OSBPL1A: variants seen among roughly 807,000 people sequenced by gnomAD.
OSBPL1A encodes oxysterol-binding protein-related protein 1.
In OSBPL1A, 80 loss-of-function variants were observed where a neutral mutation model predicts 137.1. That is an observed-to-expected ratio of 0.58 (90% CI 0.49 to 0.70). The LOEUF is 0.70. Among genes scored for constraint, OSBPL1A ranks in the 30% least tolerant of loss-of-function variants. OSBPL1A has a pLI of 0.00. For synonymous variants in OSBPL1A, 365 were observed against 389.7 expected, an observed-to-expected ratio of 0.94 and a Z score of 0.75; for missense variants, 970 against 1,129.4, an observed-to-expected ratio of 0.86 and a Z score of 2.02.
intron 15 of OSBPL1A, among the ~76,000 whole-genome samples, chr18:24,251,505 C>A (rs2089096669): frequency 6.6e-6 from 1 of 152,228 alleles, no homozygotes; most frequent in South Asian, 2.1e-4. Flanking sequence ...TCCAAGACCA[C>A]CAAGGCAGTA....
chr18:24,227,080 A>G (rs2088108342), intron 16 of OSBPL1A, among the ~76,000 whole-genome samples: 1 of 151,984 alleles, frequency 6.6e-6, no homozygotes, highest in Admixed American at 6.6e-5. Context: ...TTTAGTAAAG[A>G]CGGGGTTTCA....
chr18:24,289,817 G>T (rs570564506), intron 14 of OSBPL1A, among the ~76,000 whole-genome samples: 1 of 151,992 alleles, frequency 6.6e-6, no homozygotes, highest in Admixed American at 6.6e-5. Context: ...AGTTATATAG[G>T]CTCCCTGTGC....
chr18:24,250,088 T>C (rs1231479129), intron 15 of OSBPL1A, among the ~76,000 whole-genome samples: 2 of 152,058 alleles, frequency 1.3e-5, no homozygotes, highest in African/African-American at 4.8e-5. Flanking sequence ...CATAGCAAGA[T>C]AGGATGCTGG....
At chr18:24,226,887 A>ATTTTTTTTTT (rs5823416) in intron 16 of OSBPL1A, among the ~76,000 whole-genome samples, 2 of 100,860 alleles carry the variant, frequency 2.0e-5, no homozygotes, top group Non-Finnish European at 3.9e-5. Context: ...AAAGAAACAG[A>ATTTTTTTTTT]TTTTTTTTTT....
chr18:24,165,063 A>G lies in OSBPL1A; in HGVS notation c.2750+2T>C, dbSNP rs753828724. ...GCCACACCCCCTGACTCAGGCACGC[A>G]CCTCGTCTTCCAGTCCTCTTCTGAC... On this transcript the variant is annotated splice_donor_variant, in intron 27 of 27. Coordinates refer to ENST00000319481, the MANE Select transcript of OSBPL1A (RefSeq NM_080597.4). LOFTEE classifies it high-confidence loss of function. 3 of 1,613,932 alleles carry G rather than the reference A, an allele frequency of 1.9e-6. No individual in the cohort carries two copies. Among genetic ancestry groups the G allele is most frequent in the Non-Finnish European group, 2.5e-6 (3 of 1,180,008 alleles).
At chr18:24,191,994 T>C (rs1247929236) in intron 18 of OSBPL1A, among the ~76,000 whole-genome samples, 1 of 152,248 alleles carries the variant, frequency 6.6e-6, no homozygotes, top group Non-Finnish European at 1.5e-5. Context: ...TGGATTCCAC[T>C]AGCTACCTTT....
chr18:24,166,317 C>T (rs1279931309), intron 26 of OSBPL1A, among the ~76,000 whole-genome samples: 4 of 152,098 alleles, frequency 2.6e-5, no homozygotes, highest in South Asian at 2.1e-4. Flanking sequence ...CTTTATTAGT[C>T]GGAATATGCC....
At chr18:24,325,592 C>T (rs731665) in intron 7 of OSBPL1A, among the ~76,000 whole-genome samples, 37,489 of 152,034 alleles carry the variant, frequency 0.25, 4,980 homozygotes, top group African/African-American at 0.33. Context: ...TCTCTAGTCC[C>T]TTCATCCTAT....
intron 18 of OSBPL1A, among the ~76,000 whole-genome samples, chr18:24,187,261 G>A (rs906138212): frequency 1.4e-4 from 22 of 152,118 alleles, no homozygotes; most frequent in African/African-American, 4.6e-4. Context: ...TTGGTGTTTC[G>A]AGGGGACGGT....
chr18:24,367,524 G>A (rs1274013258), intron 3 of OSBPL1A: 2 of 151,382 alleles, frequency 1.3e-5, no homozygotes, highest in African/African-American at 4.9e-5. Context: ...CGTGCCTATA[G>A]CTCCAGTATT....
chr18:24,270,353 A>G (rs2089688025), intron 15 of OSBPL1A, among the ~76,000 whole-genome samples: 1 of 152,212 alleles, frequency 6.6e-6, no homozygotes, highest in Non-Finnish European at 1.5e-5. Context: ...CTTTGCTTTA[A>G]TATGGAAAAC....
chr18:24,368,333 A>G lies in OSBPL1A; in HGVS notation c.161T>C (p.Leu54Pro). ...TTGTCTGTGTCCAAAATAGCATGCC[A>G]GATGTAGAGGTGTCCAGCCCAAGTT... ...KSNLGWTPLHLACYFGHRQVV... is the reference protein window; with the variant it reads ...KSNLGWTPLHPACYFGHRQVV... The change falls in exon 3 of 28, where the codon CTG becomes CCG. Residue 54 changes from leucine (L) to proline (P), a missense_variant. By Grantham distance (98) the Leu-to-Pro change is moderately conservative. Transcript: ENST00000319481. The G allele has an allele frequency of 6.2e-7, 1 of 1,613,886 alleles. No individual in the cohort carries two copies. The highest frequency in any genetic ancestry group is 8.5e-7 in the Non-Finnish European group (1 of 1,179,788).
intron 21 of OSBPL1A, among the ~76,000 whole-genome samples, chr18:24,173,695 G>C (rs1024012156): frequency 1.3e-5 from 2 of 152,252 alleles, no homozygotes; most frequent in Non-Finnish European, 2.9e-5. Context: ...TTACAGGCGT[G>C]AGCCACCGCT....
intron 18 of OSBPL1A, among the ~76,000 whole-genome samples, chr18:24,188,407 G>A (rs1405340471): frequency 1.3e-5 from 2 of 152,218 alleles, no homozygotes; most frequent in Non-Finnish European, 2.9e-5. Context: ...GTGAACTCTG[G>A]AGACCAAGGC....
At chr18:24,262,800 C>T (rs1784676022) in intron 15 of OSBPL1A, among the ~76,000 whole-genome samples, 1 of 150,850 alleles carries the variant, frequency 6.6e-6, no homozygotes, top group African/African-American at 2.4e-5. Context: ...ACCCCCTACC[C>T]AGGCAACCAC....
Position 24,264,866 on chromosome 18 carries a change from G to A in OSBPL1A, c.1281+15976C>T, listed in dbSNP as rs536428012. Among the ~76,000 whole-genome samples, 5 of 152,274 alleles carry A rather than the reference G, an allele frequency of 3.3e-5. No individual in the cohort carries two copies. The East Asian group carries it at 5.8e-4, about 18-fold the overall frequency. ...CTGGATTTAGTTCTAAGTTTTGCCC[G>A]CTCCTAGCGGCATATGCTTGGGCAA... is the stretch of plus-strand genomic sequence containing the variant. On this transcript the variant is annotated intron_variant, in intron 15 of 27. Transcript: ENST00000319481.
chr18:24,256,696 A>C (rs2089285215), intron 15 of OSBPL1A, among the ~76,000 whole-genome samples: 1 of 152,106 alleles, frequency 6.6e-6, no homozygotes, highest in Admixed American at 6.6e-5. Flanking sequence ...AGATGATATG[A>C]ACTTTTGTTT....
At chr18:24,372,410 G>C (rs1568061288) in intron 2 of OSBPL1A, among the ~76,000 whole-genome samples, 1 of 152,052 alleles carries the variant, frequency 6.6e-6, no homozygotes, top group South Asian at 2.1e-4. Context: ...TCTCCATTGG[G>C]CTGGGCAAGG....
chr18:24,175,111 TATATATATATATATATATATATATACAC>T (rs2086400574), intron 21 of OSBPL1A, among the ~76,000 whole-genome samples: 4 of 13,982 alleles, frequency 2.9e-4, no homozygotes, highest in Admixed American at 1.1e-3. Flanking sequence ...TGTGTATGTA[TATATATATATATATATATATATATACAC>T]ATATATATAT....
Sources: gnomAD v4.1 joint callset for allele counts (sites outside exome capture counted in the v4.1 genomes callset) on GRCh38, gnomAD v4.1.1 for gene constraint, MANE v1.5 for transcripts, NCBI Gene and HGNC (gene_info 2026-07-23, HGNC 2026-07-21) for gene names.